SLC23A2: variants seen among roughly 807,000 people sequenced by gnomAD.
SLC23A2 encodes the protein Na(+)/L-ascorbic acid transporter 2.
A neutral mutation model predicts 73.3 loss-of-function variants in SLC23A2; 36 were observed. The observed-to-expected ratio is 0.49, with a 90% CI of 0.38 to 0.65. The LOEUF (loss-of-function observed/expected upper bound fraction) is 0.65, where lower values mean the gene tolerates loss of function less well. SLC23A2 is among the 30% of genes least tolerant of loss of function. The pLI is 0.00. For missense variants in SLC23A2, 507 were observed against 841.6 expected (o/e 0.60, Z 4.92); for synonymous variants, 343 against 327.3 (o/e 1.05, Z -0.52).
intron 3 of SLC23A2, among the ~76,000 whole-genome samples, chr20:4,929,422 C>T (rs1932760812): frequency 6.6e-6 from 1 of 152,218 alleles, no homozygotes; most frequent in African/African-American, 2.4e-5. Flanking sequence ...GGCAGGCTTC[C>T]CCACTCTTCC....
chr20:4,877,111 T>C (rs577444065), intron 9 of SLC23A2, among the ~76,000 whole-genome samples: 1 of 152,140 alleles, frequency 6.6e-6, no homozygotes, highest in Non-Finnish European at 1.5e-5. Context: ...TGTATACATA[T>C]GTAACAAACC....
intron 2 of SLC23A2, among the ~76,000 whole-genome samples, chr20:4,970,124 G>A (rs2087538929): frequency 6.6e-6 from 1 of 151,850 alleles, no homozygotes; most frequent in South Asian, 2.1e-4. Context: ...CCTCACGGAG[G>A]GCCAAGAGCA....
At chr20:5,009,413 G>A (rs1408304332) in intron 1 of SLC23A2, among the ~76,000 whole-genome samples, 3 of 152,050 alleles carry the variant, frequency 2.0e-5, no homozygotes, top group Non-Finnish European at 2.9e-5. Context: ...GAACCACCCC[G>A]AGTCCCTAGG....
intron 2 of SLC23A2, among the ~76,000 whole-genome samples, chr20:4,965,902 G>A (rs2087466901): frequency 6.7e-6 from 1 of 149,330 alleles, no homozygotes; most frequent in Non-Finnish European, 1.5e-5. Flanking sequence ...GGGAGGCAGA[G>A]GTTAAAGTGA....
At chr20:4,875,500 C>G (rs976355166) in intron 9 of SLC23A2, among the ~76,000 whole-genome samples, 1 of 152,212 alleles carries the variant, frequency 6.6e-6, no homozygotes. Flanking sequence ...GAACTGAACT[C>G]TTTCCTTTTG....
intron 9 of SLC23A2, among the ~76,000 whole-genome samples, chr20:4,876,429 C>T (rs1364113882): frequency 3.3e-5 from 5 of 152,156 alleles, no homozygotes; most frequent in East Asian, 3.9e-4. Context: ...TTTCTTTCTG[C>T]TCTAAAACCT....
intron 2 of SLC23A2, among the ~76,000 whole-genome samples, chr20:4,965,391 G>A (rs2122201336): frequency 6.6e-6 from 1 of 152,142 alleles, no homozygotes; most frequent in South Asian, 2.1e-4. Flanking sequence ...TCTAACATTA[G>A]TTACTATACT....
chr20:4,941,087 C>T (rs13037855), intron 2 of SLC23A2, among the ~76,000 whole-genome samples: 14,832 of 151,738 alleles, frequency 0.098, 967 homozygotes, highest in Middle Eastern at 0.15. Context: ...ACCCAGGAGG[C>T]GGAGGTTGCA....
At chr20:4,989,037 G>T (rs1039077344) in intron 1 of SLC23A2, among the ~76,000 whole-genome samples, 17 of 151,848 alleles carry the variant, frequency 1.1e-4, no homozygotes, top group African/African-American at 4.1e-4. Context: ...GAGGGAGTTC[G>T]AGACCAGCCT....
At chr20:4,917,761 AC>A (rs898490573) in intron 3 of SLC23A2, among the ~76,000 whole-genome samples, 6 of 151,900 alleles carry the variant, frequency 3.9e-5, no homozygotes, top group Non-Finnish European at 7.4e-5. Context: ...TCTCCATGCT[AC>A]CCCCATCCTC....
intron 2 of SLC23A2, among the ~76,000 whole-genome samples, chr20:4,969,222 G>A (rs529084145): frequency 6.6e-6 from 1 of 151,858 alleles, no homozygotes; most frequent in East Asian, 1.9e-4. Flanking sequence ...CGAATAGCTG[G>A]GATTACAGGT....
chr20:4,990,652 C>T (rs1277637812), intron 1 of SLC23A2, among the ~76,000 whole-genome samples: 1 of 143,300 alleles, frequency 7.0e-6, no homozygotes, highest in Non-Finnish European at 1.5e-5. Flanking sequence ...GGATTTCAGG[C>T]GTGAGCCACT....
chr20:5,008,960 A>T (rs1232396383), intron 1 of SLC23A2, among the ~76,000 whole-genome samples: 1 of 152,004 alleles, frequency 6.6e-6, no homozygotes, highest in African/African-American at 2.4e-5. Flanking sequence ...CACGTACAGT[A>T]TTTATTTCCT....
chr20:5,005,652 C>A (rs1475903902), upstream of SLC23A2, among the ~76,000 whole-genome samples: 1 of 152,006 alleles, frequency 6.6e-6, no homozygotes, highest in Admixed American at 6.6e-5. Context: ...GTTTTGTGGG[C>A]CAAGAGGTAA....
At position 4,857,410 on chromosome 20, in the gene SLC23A2, T is replaced by C. The variant is rs1415954045; in HGVS notation, c.1721-206A>G. 7.3e-5 allele frequency among the ~76,000 whole-genome samples: 11 copies of C among 150,858 alleles called. No homozygotes were observed. In the Admixed American group the frequency reaches 7.3e-4, roughly 10 times the overall value. On this transcript the variant is annotated intron_variant, in intron 16 of 16. Coordinates refer to ENST00000338244, the MANE Select transcript of SLC23A2 (RefSeq NM_005116.6). This position sits in a 1 kb window ranked among gnomAD's most constrained non-coding sequence, Gnocchi z 4.0. ...GAGGTGAAGGTGCTCAGCTATCCAG[T>C]GCCCAAACCAGAAGTCTAAGAAGCA...
intron 6 of SLC23A2, among the ~76,000 whole-genome samples, chr20:4,889,639 T>C (rs1254739515): frequency 6.6e-6 from 1 of 151,520 alleles, no homozygotes; most frequent in Non-Finnish European, 1.5e-5. Context: ...GTCCAGCCTC[T>C]ATCTGCTCCC....
In SLC23A2 at chr20:4,886,932, T is replaced by C. The variant is rs936859021; in HGVS notation, c.483-1023A>G. Among the ~76,000 whole-genome samples, 6 of 152,246 alleles carry C rather than the reference T, an allele frequency of 3.9e-5. No homozygotes were observed. In the South Asian group the frequency reaches 1.2e-3, roughly 32 times the overall value. ...GTCCTACCCACAGTGAAACAGGAAC[T>C]GGACTGAGAAATCAAACTGGCTCTA... is the stretch of plus-strand genomic sequence containing the variant. On this transcript the variant is annotated intron_variant, in intron 6 of 16. Coordinates refer to ENST00000338244, the MANE Select transcript of SLC23A2 (RefSeq NM_005116.6).
chr20:4,927,990 T>C (rs903346825), intron 3 of SLC23A2, among the ~76,000 whole-genome samples: 1 of 152,164 alleles, frequency 6.6e-6, no homozygotes, highest in African/African-American at 2.4e-5. Context: ...TGACTTAGGG[T>C]AGCAATTTCA....
At position 4,932,566 on chromosome 20, in the gene SLC23A2, G is replaced by A; in HGVS notation, c.-4C>T. On this transcript the variant is annotated 5_prime_UTR_variant, in exon 3 of 17. Coordinates refer to ENST00000338244, the MANE Select transcript of SLC23A2 (RefSeq NM_005116.6). The stretch of plus-strand genomic sequence containing the variant: ...TATTCTTACCAATACCCATCATTAA[G>A]AGAAACGAGTAGTTTACACAGCCGT... The A allele has an allele frequency of 6.7e-7, 1 of 1,491,930 alleles. No individual in the cohort carries two copies. The highest frequency in any genetic ancestry group is 9.4e-7 in the Non-Finnish European group (1 of 1,068,364). The allele number at this position is 1,491,930 out of a possible 1,614,324, so 92.4% of individuals were successfully genotyped here.
Sources: allele counts gnomAD v4.1 joint callset (sites outside exome capture counted in the v4.1 genomes callset), GRCh38; gene constraint gnomAD v4.1.1; non-coding constraint Gnocchi (gnomAD v3.1); transcripts MANE v1.5; gene names NCBI Gene and HGNC (gene_info 2026-07-23, HGNC 2026-07-21).